Variants in LTBP1 observed in about 807,000 individuals in gnomAD.
LTBP1 encodes the protein latent-transforming growth factor beta-binding protein 1.
In LTBP1, 129 loss-of-function variants were observed where a neutral mutation model predicts 207.6. The ratio of observed to expected loss-of-function variants is 0.62; its 90% confidence interval spans 0.54 to 0.72. LTBP1 has a LOEUF of 0.72. Among genes scored for constraint, LTBP1 ranks in the 30% least tolerant of loss-of-function variants. LTBP1 has a pLI of 0.00. For missense variants in LTBP1, 2,281 were observed against 2,217.2 expected, an observed-to-expected ratio of 1.03 and a Z score of -0.58; for synonymous variants, 963 against 833.7, an observed-to-expected ratio of 1.16 and a Z score of -2.67.
chr2:33,197,183 A>G (rs2088660750), intron 7 of LTBP1, among the ~76,000 whole-genome samples: 1 of 152,202 alleles, frequency 6.6e-6, no homozygotes, highest in Admixed American at 6.5e-5. Flanking sequence ...CCTATATTCA[A>G]AGAACAGAAA....
intron 3 of LTBP1, among the ~76,000 whole-genome samples, chr2:33,066,158 T>G (rs1346250768): frequency 6.6e-6 from 1 of 152,254 alleles, no homozygotes; most frequent in Non-Finnish European, 1.5e-5. Flanking sequence ...ATGTATTTGC[T>G]ATGCAGAAGA....
At chr2:33,370,329 T>G (rs1232573597) in intron 31 of LTBP1, among the ~76,000 whole-genome samples, 2 of 152,250 alleles carry the variant, frequency 1.3e-5, no homozygotes, top group Non-Finnish European at 2.9e-5. Context: ...TTGTTCTTAA[T>G]GTAAGACTGT....
intron 5 of LTBP1, among the ~76,000 whole-genome samples, chr2:33,148,354 G>A (rs1227270229): frequency 6.6e-6 from 1 of 152,138 alleles, no homozygotes; most frequent in Admixed American, 6.5e-5. Flanking sequence ...GATAACATAT[G>A]TTCTCTATGC....
intron 2 of LTBP1, among the ~76,000 whole-genome samples, chr2:32,958,074 A>G (rs1678380268): frequency 6.6e-6 from 1 of 152,130 alleles, no homozygotes; most frequent in African/African-American, 2.4e-5. Flanking sequence ...GACAGGCAGT[A>G]TGGCTCAGTG....
chr2:33,250,816 C>T (rs541054295), intron 10 of LTBP1, among the ~76,000 whole-genome samples: 7 of 152,270 alleles, frequency 4.6e-5, no homozygotes, highest in South Asian at 4.1e-4. Flanking sequence ...GCCCACCCAA[C>T]GTACCACTAC....
intron 9 of LTBP1, among the ~76,000 whole-genome samples, chr2:33,239,316 A>G (rs1246990898): frequency 6.6e-6 from 1 of 152,186 alleles, no homozygotes; most frequent in Non-Finnish European, 1.5e-5. Flanking sequence ...GCCTGCCTGA[A>G]CACAAAAGCT....
chr2:33,196,915 C>G (rs189088828), intron 7 of LTBP1, among the ~76,000 whole-genome samples: 1 of 152,164 alleles, frequency 6.6e-6, no homozygotes, highest in Admixed American at 6.5e-5. Flanking sequence ...TTCATGACCA[C>G]AGAGGACATT....
chr2:33,302,380 G>C (rs900007933), intron 22 of LTBP1, among the ~76,000 whole-genome samples: 3 of 152,154 alleles, frequency 2.0e-5, no homozygotes, highest in South Asian at 2.1e-4. Flanking sequence ...TCCCATGCAG[G>C]GTCCAAGTTT....
At chr2:33,365,041 A>G (rs1177810469) in intron 30 of LTBP1, among the ~76,000 whole-genome samples, 3 of 152,220 alleles carry the variant, frequency 2.0e-5, no homozygotes, top group Non-Finnish European at 4.4e-5. Flanking sequence ...GAGAAGCCTG[A>G]TGGCTTATGA....
intron 5 of LTBP1, among the ~76,000 whole-genome samples, chr2:33,186,165 T>C (rs1334416079): frequency 2.0e-5 from 3 of 152,236 alleles, no homozygotes; most frequent in African/African-American, 7.2e-5. Context: ...TTATTTGTTC[T>C]GGGTAGCATT....
chr2:33,194,111 C>G (rs1427457080), intron 7 of LTBP1, among the ~76,000 whole-genome samples: 1 of 152,056 alleles, frequency 6.6e-6, no homozygotes, highest in Non-Finnish European at 1.5e-5. Flanking sequence ...CTCAGCCTCC[C>G]AAGTAACTGA....
intron 3 of LTBP1, among the ~76,000 whole-genome samples, chr2:33,094,048 G>A (rs2079252339): frequency 6.6e-6 from 1 of 152,130 alleles, no homozygotes; most frequent in African/African-American, 2.4e-5. Flanking sequence ...GCAATACAAG[G>A]TAGTGGGTTA....
chr2:33,289,448 C>T (rs1204145356), intron 19 of LTBP1, among the ~76,000 whole-genome samples: 3 of 152,144 alleles, frequency 2.0e-5, no homozygotes, highest in African/African-American at 7.2e-5. Context: ...CAGTCTCTAA[C>T]TCCTGGGCTC....
chr2:33,206,706 T>C (rs2089908173), intron 7 of LTBP1, among the ~76,000 whole-genome samples: 1 of 145,342 alleles, frequency 6.9e-6, no homozygotes, highest in East Asian at 2.0e-4. Context: ...GCCACTGCAC[T>C]CCAGCCTGGG....
chr2:33,324,402 G>GTA (rs1553501991), intron 24 of LTBP1, among the ~76,000 whole-genome samples: 1 of 151,466 alleles, frequency 6.6e-6, no homozygotes, highest in South Asian at 2.1e-4. Context: ...ATGTATGTAT[G>GTA]TATATATATG....
At chr2:33,057,684 C>T (rs1312255366) in intron 3 of LTBP1, among the ~76,000 whole-genome samples, 1 of 152,258 alleles carries the variant, frequency 6.6e-6, no homozygotes, top group Admixed American at 6.5e-5. Flanking sequence ...CTAAGCCCCT[C>T]ACTGCCCGGG....
At chr2:33,024,588 A>G (rs1380298773) in intron 3 of LTBP1, among the ~76,000 whole-genome samples, 1 of 152,246 alleles carries the variant, frequency 6.6e-6, no homozygotes, top group Non-Finnish European at 1.5e-5. Context: ...AGAACCAAAT[A>G]CAAATAAAGT....
At chr2:32,999,900 T>G (rs1265342636) in intron 2 of LTBP1, among the ~76,000 whole-genome samples, 1 of 133,216 alleles carries the variant, frequency 7.5e-6, no homozygotes, top group African/African-American at 2.6e-5. Context: ...GACAACAGCG[T>G]TGTGTGTGTT....
chr2:33,285,340 G>A (rs2093643909), intron 19 of LTBP1, among the ~76,000 whole-genome samples: 1 of 151,168 alleles, frequency 6.6e-6, no homozygotes, highest in Non-Finnish European at 1.5e-5. Flanking sequence ...CCGTGCCCGG[G>A]TCACATTCTT....
Sources: gnomAD v4.1 joint callset for allele counts (sites outside exome capture counted in the v4.1 genomes callset) on GRCh38, gnomAD v4.1.1 for gene constraint, MANE v1.5 for transcripts, NCBI Gene and HGNC (gene_info 2026-07-23, HGNC 2026-07-21) for gene names.